The following FRAS1 variants were observed in gnomAD, a reference collection of about 807,000 sequenced individuals.
FRAS1 encodes extracellular matrix organizing protein FRAS1.
In FRAS1, 290 loss-of-function variants were observed where a neutral mutation model predicts 435.2. The ratio of observed to expected loss-of-function variants is 0.67; its 90% CI spans 0.61 to 0.73. The LOEUF is 0.73. FRAS1 is among the 30% of genes least tolerant of loss of function. The pLI is 0.00. For synonymous variants in FRAS1, 1,800 were observed against 1,851.0 expected (o/e 0.97, Z 0.71); for missense variants, 4,860 against 5,001.5 (o/e 0.97, Z 0.85).
intron 20 of FRAS1, among the ~76,000 whole-genome samples, chr4:78,361,128 G>A (rs190211772): frequency 4.3e-4 from 65 of 152,302 alleles, no homozygotes; most frequent in Non-Finnish European, 8.2e-4. Flanking sequence ...ACTTGTTAAG[G>A]TAGTCATAAA....
chr4:78,149,858 T>C (rs1170113546), intron 2 of FRAS1, among the ~76,000 whole-genome samples: 1 of 152,116 alleles, frequency 6.6e-6, no homozygotes, highest in African/African-American at 2.4e-5. Flanking sequence ...TTGCCTGTCA[T>C]CATCTGCACG....
intron 2 of FRAS1, among the ~76,000 whole-genome samples, chr4:78,206,973 C>T (rs1026073750): frequency 1.3e-5 from 2 of 152,202 alleles, no homozygotes; most frequent in African/African-American, 4.8e-5. Flanking sequence ...GCAATAGGGC[C>T]TAGTTATCCT....
chr4:78,446,013 G>A, intron 42 of FRAS1: 2 of 1,239,690 alleles, frequency 1.6e-6, no homozygotes, highest in South Asian at 7.5e-5. Context: ...ACTTACATAT[G>A]TCTATGTTTC....
intron 2 of FRAS1, among the ~76,000 whole-genome samples, chr4:78,117,473 C>G (rs1291107207): frequency 5.9e-5 from 9 of 152,234 alleles, no homozygotes; most frequent in Admixed American, 5.2e-4. Context: ...ATACACCAAT[C>G]AGACGTAGAT....
chr4:78,339,948 C>T (rs1421341738), intron 20 of FRAS1, among the ~76,000 whole-genome samples: 3 of 152,156 alleles, frequency 2.0e-5, no homozygotes, highest in Non-Finnish European at 2.9e-5. Context: ...TTATATCCTT[C>T]ATGATGGCTT....
chr4:78,528,786 A>T (rs1721620389), intron 70 of FRAS1, among the ~76,000 whole-genome samples: 1 of 152,196 alleles, frequency 6.6e-6, no homozygotes, highest in Non-Finnish European at 1.5e-5. Flanking sequence ...AAATGGAGTG[A>T]CTGGATCATA....
At chr4:78,307,404 T>A (rs2110218416) in intron 14 of FRAS1, among the ~76,000 whole-genome samples, 1 of 152,366 alleles carries the variant, frequency 6.6e-6, no homozygotes, top group Non-Finnish European at 1.5e-5. Flanking sequence ...AGTTGGAGCT[T>A]CCTGGCTGCT....
At chr4:78,412,477 T>C (rs1733380641) in intron 31 of FRAS1, among the ~76,000 whole-genome samples, 1 of 152,194 alleles carries the variant, frequency 6.6e-6, no homozygotes, top group South Asian at 2.1e-4. Flanking sequence ...GATTTATTAC[T>C]TACCTATCAC....
chr4:78,301,668 G>A (rs1223514762), intron 14 of FRAS1, among the ~76,000 whole-genome samples: 7 of 152,088 alleles, frequency 4.6e-5, no homozygotes, highest in Non-Finnish European at 1.0e-4. Flanking sequence ...ACACTCTGTG[G>A]TGTGTGTACA....
At chr4:78,486,386 T>TA (rs1234675722) in intron 58 of FRAS1, among the ~76,000 whole-genome samples, 1 of 152,110 alleles carries the variant, frequency 6.6e-6, no homozygotes, top group African/African-American at 2.4e-5. Context: ...CTTCCATAAA[T>TA]AAAAAGATAA....
At chr4:78,410,905 T>G (rs1000648046) in intron 31 of FRAS1, among the ~76,000 whole-genome samples, 3 of 152,186 alleles carry the variant, frequency 2.0e-5, no homozygotes, top group African/African-American at 7.2e-5. Context: ...TCTCATTGTT[T>G]TATAGGCATA....
chr4:78,388,137 A>G (rs752568532), intron 29 of FRAS1, among the ~76,000 whole-genome samples: 8 of 151,774 alleles, frequency 5.3e-5, no homozygotes, highest in African/African-American at 9.7e-5. Context: ...CATCCTGGCT[A>G]ACACGGTGAA....
intron 20 of FRAS1, among the ~76,000 whole-genome samples, chr4:78,346,303 A>G (rs1203726098): frequency 1.3e-5 from 2 of 152,194 alleles, no homozygotes; most frequent in Admixed American, 6.5e-5. Context: ...AGTTCATCAC[A>G]TATATTATGT....
chr4:78,442,036 C>A (rs967061615), intron 41 of FRAS1, among the ~76,000 whole-genome samples: 2 of 152,334 alleles, frequency 1.3e-5, no homozygotes, highest in South Asian at 2.1e-4. Flanking sequence ...CAGCACTGGG[C>A]TCTAATTGGT....
chr4:78,501,907 A>G (rs1320218909), intron 61 of FRAS1, among the ~76,000 whole-genome samples: 1 of 152,210 alleles, frequency 6.6e-6, no homozygotes, highest in Non-Finnish European at 1.5e-5. Flanking sequence ...TAAAAAGTGT[A>G]AGGAAGGGAT....
intron 2 of FRAS1, among the ~76,000 whole-genome samples, chr4:78,163,953 G>T (rs747785715): frequency 5.9e-5 from 9 of 152,142 alleles, no homozygotes; most frequent in Non-Finnish European, 1.2e-4. Context: ...TGCTCTGCTT[G>T]TCCAACCTCC....
intron 56 of FRAS1, among the ~76,000 whole-genome samples, chr4:78,481,451 G>A (rs979271910): frequency 2.0e-5 from 3 of 152,148 alleles, no homozygotes; most frequent in African/African-American, 7.2e-5. Flanking sequence ...TCCCTAAATA[G>A]GCTTGAGATG....
At chr4:78,333,564 G>T (rs1356470167) in intron 19 of FRAS1, among the ~76,000 whole-genome samples, 152 bp downstream of exon 19, 1 of 152,188 alleles carries the variant, frequency 6.6e-6, no homozygotes, top group Non-Finnish European at 1.5e-5. Context: ...AGTATAGAGG[G>T]AGGGGAACAA....
intron 18 of FRAS1, among the ~76,000 whole-genome samples, chr4:78,320,164 G>A (rs1729443229): frequency 6.6e-6 from 1 of 152,164 alleles, no homozygotes; most frequent in Non-Finnish European, 1.5e-5. Flanking sequence ...AGAAATTGAA[G>A]GGAAGGTCAC....
Sources: allele counts gnomAD v4.1 joint callset (sites outside exome capture counted in the v4.1 genomes callset), GRCh38; gene constraint gnomAD v4.1.1; transcripts MANE v1.5; gene names NCBI Gene and HGNC (gene_info 2026-07-23, HGNC 2026-07-21).